REPS2: variants seen among roughly 807,000 people sequenced by gnomAD.
REPS2 encodes RALBP1 associated Eps domain containing 2.
Under a neutral mutation model 53.6 loss-of-function variants are expected in REPS2, and 23 were observed. The ratio of observed to expected loss-of-function variants is 0.43; its 90% CI spans 0.31 to 0.61. REPS2 has a LOEUF of 0.61. Among genes scored for constraint, REPS2 ranks in the 20% least tolerant of loss-of-function variants. REPS2 has a pLI of 0.11. For synonymous variants in REPS2, 238 were observed against 218.6 expected (o/e 1.09, Z -0.78); for missense variants, 446 against 534.9 (o/e 0.83, Z 1.64).
In REPS2 at chrX:17,141,139, C is replaced by T. The variant is rs952367910; in HGVS notation, c.1914+2178C>T. 2.7e-5 allele frequency among the ~76,000 whole-genome samples: 3 copies of T among 111,828 alleles called. No homozygotes were observed. In the Admixed American group the frequency reaches 2.8e-4, roughly 11 times the overall value. ...CATGTACTTACGGAATCCAAACCCC[C>T]AAAAAGATAGAGAATATTACCATCA... is the stretch of plus-strand genomic sequence containing the variant. On this transcript the variant is annotated intron_variant, in intron 17 of 17. Coordinates refer to ENST00000357277, the MANE Select transcript of REPS2 (RefSeq NM_004726.3).
intron 4 of REPS2, among the ~76,000 whole-genome samples, chrX:17,025,989 G>A (rs934357091): frequency 1.1e-4 from 12 of 111,849 alleles, no homozygotes; most frequent in African/African-American, 3.9e-4. Context: ...GTTTCTGCAG[G>A]TTTTTACTGC....
At chrX:17,055,563 T>C (rs1417260526) in intron 8 of REPS2, among the ~76,000 whole-genome samples, 1 of 91,585 alleles carries the variant, frequency 1.1e-5, no homozygotes, top group East Asian at 3.7e-4. Flanking sequence ...TTCAGCTTTC[T>C]ACATATGGCT....
intron 4 of REPS2, among the ~76,000 whole-genome samples, chrX:17,027,153 C>T (rs1467239209): frequency 2.7e-5 from 3 of 111,473 alleles, no homozygotes; most frequent in Non-Finnish European, 5.7e-5. Flanking sequence ...CTTGTAGCTA[C>T]CACTTTGATC....
At chrX:17,087,924 C>CGATAGATA (rs35140640) in intron 13 of REPS2, among the ~76,000 whole-genome samples, 4,070 of 91,255 alleles carry the variant, frequency 0.045, 119 homozygotes, top group Middle Eastern at 0.08. Context: ...GAGACTCTGT[C>CGATAGATA]GATAGATAGA....
chrX:17,193,671 C>T, the REPS2 span, among the ~76,000 whole-genome samples: 1 of 111,571 alleles, frequency 9.0e-6, no homozygotes. Context: ...ACTATATGAA[C>T]TGGTGTGGCA....
chrX:17,065,890 T>C (rs764491484), intron 9 of REPS2, among the ~76,000 whole-genome samples: 2 of 112,197 alleles, frequency 1.8e-5, no homozygotes, highest in African/African-American at 6.5e-5. Flanking sequence ...TGGCCTCTTC[T>C]GAGAGTTTTA....
intron 14 of REPS2, among the ~76,000 whole-genome samples, chrX:17,115,946 T>C (rs189452719): frequency 8.9e-6 from 1 of 111,828 alleles, no homozygotes; most frequent in East Asian, 2.8e-4. Flanking sequence ...ACAGACACAG[T>C]AACAATCTGA....
At chrX:16,986,442 A>C (rs984030833) in intron 1 of REPS2, among the ~76,000 whole-genome samples, 1 of 112,208 alleles carries the variant, frequency 8.9e-6, no homozygotes, top group African/African-American at 3.2e-5. Flanking sequence ...TTAGTAGGAC[A>C]CTGGGATCTA....
chrX:17,012,745 T>C (rs2061445153), intron 2 of REPS2, among the ~76,000 whole-genome samples: 1 of 111,752 alleles, frequency 8.9e-6, no homozygotes, highest in Non-Finnish European at 1.9e-5. Context: ...TAAAGCTAAA[T>C]GTATTCAAAT....
At chrX:16,964,465 A>G (rs901495638) in intron 1 of REPS2, among the ~76,000 whole-genome samples, 2 of 108,243 alleles carry the variant, frequency 1.8e-5, no homozygotes, top group East Asian at 3.0e-4. Flanking sequence ...CGATTTCTCA[A>G]TCTTTTCCCC....
chrX:17,174,727 G>A, the REPS2 span, among the ~76,000 whole-genome samples: 1 of 112,602 alleles, frequency 8.9e-6, no homozygotes, highest in Non-Finnish European at 1.9e-5. Context: ...GGGTCCCTGG[G>A]CAGCGGGGCA....
chrX:17,034,660 A>G (rs774686788), intron 5 of REPS2, among the ~76,000 whole-genome samples: 2 of 112,174 alleles, frequency 1.8e-5, no homozygotes, highest in Non-Finnish European at 1.9e-5. Flanking sequence ...TTTATTTAAA[A>G]CCAAAACACA....
the REPS2 span, among the ~76,000 whole-genome samples, chrX:17,161,677 T>A: frequency 7.2e-5 from 8 of 110,753 alleles, no homozygotes; most frequent in Admixed American, 1.9e-4. Flanking sequence ...TGTACTCATG[T>A]TTTTGACCTA....
chrX:17,036,228 C>T (rs192846603), intron 5 of REPS2, among the ~76,000 whole-genome samples: 6 of 112,505 alleles, frequency 5.3e-5, no homozygotes, highest in Admixed American at 9.5e-5. Context: ...TCTGTTTTCT[C>T]GTACCTTTGT....
At chrX:16,956,068 G>GA (rs778500224) in intron 1 of REPS2, among the ~76,000 whole-genome samples, 6 of 110,724 alleles carry the variant, frequency 5.4e-5, no homozygotes, top group Non-Finnish European at 7.6e-5. Context: ...TAGGAGGCAG[G>GA]AAAAAAAAGT....
chrX:17,054,323 C>G (rs1041790904), intron 7 of REPS2, among the ~76,000 whole-genome samples: 1 of 112,740 alleles, frequency 8.9e-6, no homozygotes, highest in Admixed American at 9.4e-5. Context: ...TTGAAAAGTT[C>G]ACGGTTTTCC....
At chrX:17,083,584 T>G (rs1027288109) in intron 13 of REPS2, among the ~76,000 whole-genome samples, 2 of 111,977 alleles carry the variant, frequency 1.8e-5, no homozygotes, top group East Asian at 5.6e-4. Context: ...TTCCTCGGTT[T>G]TCTATAAATG....
chrX:17,133,876 C>A lies in REPS2; in HGVS notation c.1631C>A (p.Ser544Tyr). The change falls in exon 15 of 18, where the codon TCC becomes TAC. Residue 544 changes from serine to tyrosine, a missense_variant. Coordinates refer to ENST00000357277, the MANE Select transcript of REPS2 (RefSeq NM_004726.3). Reference protein sequence around the residue: ...ELLPQLSRAPSQAAESSPAKK... With the variant: ...ELLPQLSRAPYQAAESSPAKK... ...CTCCCACAGCTGAGCAGAGCCCCAT[C>A]CCAGGCTGCAGAAAGTAGTCCAGCA... 8.3e-7 allele frequency: 1 copy of A among 1,211,303 alleles called. No individual in the cohort carries two copies. The highest frequency in any genetic ancestry group is 1.1e-6 in the Non-Finnish European group (1 of 894,993).
intron 4 of REPS2, among the ~76,000 whole-genome samples, chrX:17,029,213 T>G (rs771633002): frequency 8.9e-6 from 1 of 112,044 alleles, no homozygotes; most frequent in Non-Finnish European, 1.9e-5. Context: ...ATTTGAACAC[T>G]TATGACACTT....
Sources: gnomAD v4.1 joint callset for allele counts (sites outside exome capture counted in the v4.1 genomes callset) on GRCh38, gnomAD v4.1.1 for gene constraint, MANE v1.5 for transcripts, NCBI Gene and HGNC (gene_info 2026-07-23, HGNC 2026-07-21) for gene names.